PTPRT: variants seen among roughly 807,000 people sequenced by gnomAD.
The protein encoded by PTPRT is protein tyrosine phosphatase receptor type T.
PTPRT carries 56 observed loss-of-function variants against 176.8 expected under a neutral mutation model. That is an observed-to-expected ratio of 0.32 (90% CI 0.26 to 0.40). PTPRT has a LOEUF of 0.40. Among genes scored for constraint, PTPRT ranks in the 10% least tolerant of loss-of-function variants. PTPRT has a pLI of 1.00. For missense variants in PTPRT, 1,540 were observed against 1,908.2 expected (o/e 0.81, Z 3.60); for synonymous variants, 783 against 739.0 (o/e 1.06, Z -0.96).
rs544466902 is a variant in PTPRT, at chr20:42,125,454, T to C, written c.2847+3300A>G. On this transcript the variant is annotated intron_variant, in intron 19 of 30. Coordinates refer to ENST00000373187, the MANE Select transcript of PTPRT (RefSeq NM_007050.6). ...GGATTCTAACCACTGAGATTGAGCC[T>C]GGAGTTCAATATCCCATAATAAGAC... is the stretch of plus-strand genomic sequence containing the variant. Among the ~76,000 whole-genome samples, 3 of 152,294 alleles carry C rather than the reference T, an allele frequency of 2.0e-5. No homozygotes were observed. In the South Asian group the frequency reaches 6.2e-4, roughly 32 times the overall value.
intron 16 of PTPRT, among the ~76,000 whole-genome samples, chr20:42,181,852 C>G (rs547328696): frequency 1.3e-5 from 2 of 151,702 alleles, no homozygotes; most frequent in African/African-American, 4.8e-5. Flanking sequence ...CATTTGCATA[C>G]AAGAAATTTC....
intron 12 of PTPRT, among the ~76,000 whole-genome samples, chr20:42,303,922 A>G (rs966776895): frequency 1.3e-5 from 2 of 152,178 alleles, no homozygotes; most frequent in Non-Finnish European, 1.5e-5. Context: ...GAAGGAGATG[A>G]ATGAATCATT....
chr20:43,105,136 CG>C (rs2012549380), intron 1 of PTPRT, among the ~76,000 whole-genome samples: 1 of 152,038 alleles, frequency 6.6e-6, no homozygotes, highest in South Asian at 2.1e-4. Flanking sequence ...GGGTAAAGAG[CG>C]TTTAGGCTAG....
chr20:42,731,998 C>T (rs1295579307), intron 6 of PTPRT, among the ~76,000 whole-genome samples: 1 of 152,226 alleles, frequency 6.6e-6, no homozygotes, highest in Non-Finnish European at 1.5e-5. Context: ...TACTTACTTT[C>T]TGTCGTGATG....
intron 2 of PTPRT, among the ~76,000 whole-genome samples, chr20:42,829,702 C>T (rs941130805): frequency 7.2e-5 from 11 of 152,060 alleles, no homozygotes; most frequent in Non-Finnish European, 1.5e-4. Context: ...ATAAAATAGA[C>T]TAATAAATAA....
At chr20:42,570,943 A>AT (rs963008346) in intron 7 of PTPRT, among the ~76,000 whole-genome samples, 1 of 64,062 alleles carries the variant, frequency 1.6e-5, no homozygotes, top group Non-Finnish European at 2.9e-5. Context: ...GGACATAGAC[A>AT]TTTTTTATCG....
intron 1 of PTPRT, among the ~76,000 whole-genome samples, chr20:43,031,319 C>T (rs921656536): frequency 1.3e-5 from 2 of 152,176 alleles, no homozygotes; most frequent in East Asian, 1.9e-4. Flanking sequence ...CAGCTGTTGG[C>T]ATCCACTACA....
chr20:42,706,775 T>A (rs987648592), intron 6 of PTPRT, among the ~76,000 whole-genome samples: 5 of 152,218 alleles, frequency 3.3e-5, no homozygotes, highest in East Asian at 3.9e-4. Flanking sequence ...CATATTGTCA[T>A]ATAATTGTGT....
chr20:43,091,471 T>TTC (rs137874026), intron 1 of PTPRT, among the ~76,000 whole-genome samples: 30,763 of 107,682 alleles, frequency 0.29, 4,310 homozygotes, highest in Admixed American at 0.36. Flanking sequence ...CCCCCTCTCT[T>TTC]TCTCTCTCTC....
At chr20:42,461,564 G>A (rs2071020288) in intron 8 of PTPRT, among the ~76,000 whole-genome samples, 1 of 152,136 alleles carries the variant, frequency 6.6e-6, no homozygotes, top group Non-Finnish European at 1.5e-5. Context: ...AGAAGCCACT[G>A]CAGAAGGAGA....
chr20:42,975,310 CA>C (rs1347312931), intron 1 of PTPRT, among the ~76,000 whole-genome samples: 1 of 152,068 alleles, frequency 6.6e-6, no homozygotes, highest in Non-Finnish European at 1.5e-5. Flanking sequence ...AGGCAAGACA[CA>C]TGATAATATT....
chr20:42,096,347 A>G (rs58841508), intron 27 of PTPRT, among the ~76,000 whole-genome samples: 9,295 of 152,138 alleles, frequency 0.061, 368 homozygotes, highest in African/African-American at 0.087. Flanking sequence ...TCACGCCTGT[A>G]ATCCCAGCAC....
At chr20:42,637,676 G>T (rs1175081645) in intron 7 of PTPRT, among the ~76,000 whole-genome samples, 1 of 151,948 alleles carries the variant, frequency 6.6e-6, no homozygotes, top group African/African-American at 2.4e-5. Flanking sequence ...TTTACCGATT[G>T]TCAGCTCCTC....
At chr20:42,563,715 CT>C (rs2072992076) in intron 7 of PTPRT, among the ~76,000 whole-genome samples, 1 of 152,154 alleles carries the variant, frequency 6.6e-6, no homozygotes, top group Non-Finnish European at 1.5e-5. Context: ...TGTTCATATC[CT>C]TTTTGAGAGA....
intron 7 of PTPRT, among the ~76,000 whole-genome samples, chr20:42,590,320 T>C (rs1392512378): frequency 3.3e-5 from 5 of 152,142 alleles, no homozygotes; most frequent in Non-Finnish European, 7.4e-5. Flanking sequence ...GAGCTAGTTA[T>C]GGTTCATCAA....
intron 1 of PTPRT, chr20:42,971,199 AAAG>A (rs1341380613): frequency 6.6e-6 from 1 of 152,272 alleles, no homozygotes; most frequent in Non-Finnish European, 1.5e-5. Flanking sequence ...AAAGCATTTC[AAAG>A]AAGAGTCAAA....
At chr20:42,198,862 T>G (rs1344004141) in intron 16 of PTPRT, among the ~76,000 whole-genome samples, 1 of 152,202 alleles carries the variant, frequency 6.6e-6, no homozygotes, top group Admixed American at 6.5e-5. Context: ...ATGTGGTGTA[T>G]ATGAAACACA....
intron 1 of PTPRT, among the ~76,000 whole-genome samples, chr20:43,083,069 C>T (rs1568773657): frequency 6.6e-6 from 1 of 151,906 alleles, no homozygotes; most frequent in East Asian, 1.9e-4. Context: ...ATCTTCTCAG[C>T]TGCAGCGCCC....
chr20:42,308,152 T>A (rs1241193336), intron 12 of PTPRT, among the ~76,000 whole-genome samples: 2 of 152,164 alleles, frequency 1.3e-5, no homozygotes, highest in East Asian at 3.9e-4. Flanking sequence ...AGCATATCAT[T>A]AAGAAATAAC....
Sources: gnomAD v4.1 joint callset for allele counts (sites outside exome capture counted in the v4.1 genomes callset) on GRCh38, gnomAD v4.1.1 for gene constraint, MANE v1.5 for transcripts, NCBI Gene and HGNC (gene_info 2026-07-23, HGNC 2026-07-21) for gene names.